SYN2: variants seen among roughly 807,000 people sequenced by gnomAD.
SYN2 encodes the protein synapsin II, also known as synapsin-2.
In SYN2, 19 loss-of-function variants were observed where a neutral mutation model predicts 50.9. The ratio of observed to expected loss-of-function variants is 0.37; its 90% CI spans 0.26 to 0.55. The LOEUF is 0.55. Among genes scored for constraint, SYN2 ranks in the 20% least tolerant of loss-of-function variants. The probability of loss-of-function intolerance (pLI) is 0.81; values close to 1 mark genes in which losing one functional copy is unlikely to be tolerated. For missense variants in SYN2, 587 were observed against 576.4 expected, an observed-to-expected ratio of 1.02 and a Z score of -0.19; for synonymous variants, 255 against 224.9, an observed-to-expected ratio of 1.13 and a Z score of -1.20.
chr3:12,056,197 A>G (rs542572324), intron 1 of SYN2, among the ~76,000 whole-genome samples: 2 of 151,856 alleles, frequency 1.3e-5, no homozygotes, highest in East Asian at 3.9e-4. Context: ...AGGCAACTGT[A>G]AACTGTAGTG....
chr3:12,153,774 TTTCAGA>T (rs1697374285), intron 5 of SYN2: 2 of 1,574,462 alleles, frequency 1.3e-6, no homozygotes, highest in Non-Finnish European at 1.7e-6. Flanking sequence ...CATTGCTGCC[TTTCAGA>T]TTCCTACGTA....
At chr3:12,014,003 CTGAG>C (rs938546236) in intron 1 of SYN2, among the ~76,000 whole-genome samples, 8 of 152,146 alleles carry the variant, frequency 5.3e-5, no homozygotes, top group African/African-American at 1.2e-4. Context: ...TCTTTTGAGA[CTGAG>C]TATTTCCTTT....
At position 12,161,548 on chromosome 3, in the gene SYN2, G is replaced by A. The variant is rs764136841; in HGVS notation, c.777G>A (p.Leu259=). The change falls in exon 6 of 13, where the codon CTG becomes CTA. Residue 259 remains leucine, a splice_region_variant and synonymous_variant. Coordinates refer to ENST00000621198, the MANE Select transcript of SYN2 (RefSeq NM_133625.6). ...ATTCATTTCTCTTCTGATTTCAGCT[G>A]ACACTGCCCACGTTCCCTGTGGTGG... ...QTYYPNHKEM[L]TLPTFPVVVK... is the part of the protein sequence containing the mutation. 2 of 1,614,004 alleles carry A rather than the reference G, an allele frequency of 1.2e-6. No individual in the cohort carries two copies. Among genetic ancestry groups the A allele is most frequent in the Non-Finnish European group, 8.5e-7 (1 of 1,179,888 alleles).
At chr3:12,149,808 C>T (rs1697234908) in intron 4 of SYN2, among the ~76,000 whole-genome samples, 1 of 152,132 alleles carries the variant, frequency 6.6e-6, no homozygotes, top group Non-Finnish European at 1.5e-5. Flanking sequence ...CATATCTATA[C>T]CTACAAAAGG....
At chr3:12,144,485 A>G (rs111677013) in intron 3 of SYN2, among the ~76,000 whole-genome samples, 58 of 152,310 alleles carry the variant, frequency 3.8e-4, no homozygotes, top group African/African-American at 1.4e-3. Flanking sequence ...AAGGGAGCCA[A>G]GTACTGTCTG....
chr3:12,142,567 A>AAC (rs1171220977), intron 3 of SYN2, among the ~76,000 whole-genome samples: 12 of 152,310 alleles, frequency 7.9e-5, no homozygotes, highest in African/African-American at 2.9e-4. Context: ...GTGGAAGAAA[A>AAC]TTAGCAATTA....
chr3:12,071,466 G>T (rs532834161), intron 1 of SYN2: 175 of 461,466 alleles, frequency 3.8e-4, no homozygotes, highest in Non-Finnish European at 6.8e-4. Context: ...CATGAAACTG[G>T]AATAAGCCTT....
At chr3:12,008,326 C>T (rs771022963) in intron 1 of SYN2, among the ~76,000 whole-genome samples, 15 of 152,160 alleles carry the variant, frequency 9.9e-5, no homozygotes, top group Non-Finnish European at 1.8e-4. Flanking sequence ...GAAGCACCTT[C>T]TCTGTATAGG....
At chr3:12,136,032 C>T (rs1368420010) in intron 1 of SYN2, among the ~76,000 whole-genome samples, 1 of 152,056 alleles carries the variant, frequency 6.6e-6, no homozygotes, top group African/African-American at 2.4e-5. Context: ...TGGTCTGAGG[C>T]GTAGGTGGGG....
intron 3 of SYN2, among the ~76,000 whole-genome samples, chr3:12,145,047 A>G (rs1447254018): frequency 6.6e-6 from 1 of 151,990 alleles, no homozygotes; most frequent in Non-Finnish European, 1.5e-5. Context: ...CAAAAAATAC[A>G]AAAACCAAAC....
chr3:12,155,067 G>A (rs1358811714), intron 5 of SYN2, among the ~76,000 whole-genome samples: 8 of 20,866 alleles, frequency 3.8e-4, no homozygotes, highest in African/African-American at 9.2e-4. Context: ...TGGTATGGCC[G>A]TAGATTCCTT....
At chr3:12,161,839 A>C (rs1017648119) in intron 6 of SYN2, 173 bp from the exon 7 acceptor site, 2 of 1,053,750 alleles carry the variant, frequency 1.9e-6, no homozygotes, top group Admixed American at 2.6e-5. Context: ...GTGGCCCTTG[A>C]GTTCTGGGAA....
rs552380409 is a variant in SYN2, at chr3:12,105,748, G to A, written c.378-34903G>A. On this transcript the variant is annotated intron_variant, in intron 1 of 12. Transcript: ENST00000621198. ...CACAGGCAGTTCCCTCTCAATTCAC[G>A]GCAAGGTCTGCAGGAGAACACATAG... Among the ~76,000 whole-genome samples the A allele has an allele frequency of 1.1e-4, 17 of 151,976 alleles. No homozygotes were observed. In the South Asian group the frequency reaches 3.3e-3, roughly 30 times the overall value.
At chr3:12,178,987 C>T (rs374779655) in intron 10 of SYN2, among the ~76,000 whole-genome samples, 19 of 152,262 alleles carry the variant, frequency 1.2e-4, no homozygotes, top group Middle Eastern at 3.4e-3. Context: ...TCAGCAGAGG[C>T]GAAGGTAAGA....
In SYN2 at chr3:12,157,475, C is replaced by T. The variant is rs772409547; in HGVS notation, c.775-4071C>T. The T allele has an allele frequency of 6.8e-6, 11 of 1,614,052 alleles. No individual in the cohort carries two copies. In the South Asian group the frequency reaches 7.7e-5, roughly 11 times the overall value. On this transcript the variant is annotated intron_variant, in intron 5 of 12. Transcript: ENST00000621198. ...CTACCTTCTCACTGGAGATTTTGGC[C>T]CGAATCACTGCATAGGAAGAGAAAA...
At chr3:12,157,634 G>T (rs1279128434) in intron 5 of SYN2, 30 of 686,006 alleles carry the variant, frequency 4.4e-5, no homozygotes. Context: ...TGAGAAGGGG[G>T]ACCTGGAAAC....
rs553541585 is a variant in SYN2 at position 12,173,139 on chromosome 3, G to C, written c.1308+3233G>C. Among the ~76,000 whole-genome samples the C allele has an allele frequency of 2.3e-3, 351 of 152,186 alleles. 1 individual carries two copies. The highest frequency in any genetic ancestry group is 8.0e-3 in the African/African-American group (332 of 41,508). Reference sequence around the variant, plus strand: ...CTCTATTAGCTTCCTTCTGAGCCTTGTGCCTTCACCTCAGGCCACCCAGAA... The same window carrying C: ...CTCTATTAGCTTCCTTCTGAGCCTTCTGCCTTCACCTCAGGCCACCCAGAA... On this transcript the variant is annotated intron_variant, in intron 10 of 12. Coordinates refer to ENST00000621198, the MANE Select transcript of SYN2 (RefSeq NM_133625.6).
Position 12,137,794 on chromosome 3 carries a change from C to T in SYN2, c.378-2857C>T, listed in dbSNP as rs185946513. On this transcript the variant is annotated intron_variant, in intron 1 of 12. Transcript: ENST00000621198. ...ATAGCCACACATTTTTTCCCCTCCA[C>T]TGGAAGTATATGCTTATAATTGATA... Among the ~76,000 whole-genome samples the T allele has an allele frequency of 3.4e-3, 510 of 152,194 alleles. 2 individuals carry two copies. Among genetic ancestry groups the T allele is most frequent in the African/African-American group, 0.012 (482 of 41,532 alleles).
chr3:12,163,291 A>G (rs193002935), intron 7 of SYN2, among the ~76,000 whole-genome samples: 1 of 151,508 alleles, frequency 6.6e-6, no homozygotes, highest in East Asian at 1.9e-4. Context: ...TTTCTTTACA[A>G]AGAAAGAACA....
Sources: allele counts gnomAD v4.1 joint callset (sites outside exome capture counted in the v4.1 genomes callset), GRCh38; gene constraint gnomAD v4.1.1; transcripts MANE v1.5; gene names NCBI Gene and HGNC (gene_info 2026-07-23, HGNC 2026-07-21).